Variants in EPHX2 observed in about 807,000 individuals in gnomAD.
EPHX2 encodes epoxide hydrolase 2, also known as bifunctional epoxide hydrolase 2.
EPHX2 carries 74 observed loss-of-function variants against 78.7 expected under a neutral mutation model. The observed-to-expected ratio is 0.94, with a 90% CI of 0.78 to 1.14. The LOEUF is 1.14. Among genes scored for constraint, EPHX2 ranks in the 50% most tolerant of loss-of-function variants. EPHX2 has a pLI of 0.00. For missense variants in EPHX2, 715 were observed against 702.5 expected, an observed-to-expected ratio of 1.02 and a Z score of -0.20; for synonymous variants, 251 against 255.2, an observed-to-expected ratio of 0.98 and a Z score of 0.16.
chr8:27,538,714 GC>G (rs1815291196), intron 14 of EPHX2, 22 bp downstream of exon 14: 1 of 1,611,898 alleles, frequency 6.2e-7, no homozygotes, highest in African/African-American at 1.3e-5. Context: ...GCTTGGGAGA[GC>G]CATATCTGGA....
intron 10 of EPHX2, among the ~76,000 whole-genome samples, chr8:27,522,027 A>G (rs2132758384): frequency 6.6e-6 from 1 of 152,340 alleles, no homozygotes; most frequent in African/African-American, 2.4e-5. Flanking sequence ...TTAAGGGAGG[A>G]GAGCTTCCAA....
chr8:27,504,919 C>T (rs781591614), intron 3 of EPHX2, 37 bp from the exon 4 acceptor site: 1 of 1,609,792 alleles, frequency 6.2e-7, no homozygotes, highest in South Asian at 1.1e-5. Context: ...GGGCAAAGGT[C>T]TGTAGCTGGT....
chr8:27,496,790 T>G (rs1813588990), intron 1 of EPHX2, among the ~76,000 whole-genome samples: 1 of 152,204 alleles, frequency 6.6e-6, no homozygotes, highest in African/African-American at 2.4e-5. Flanking sequence ...TGATTTGGAC[T>G]GGGCAGGCAT....
At chr8:27,505,185 G>T in intron 4 of EPHX2, 39 bp downstream of exon 4, 1 of 1,604,752 alleles carries the variant, frequency 6.2e-7, no homozygotes, top group South Asian at 1.1e-5. Flanking sequence ...AGGATGTTCA[G>T]AGATATTGCA....
At chr8:27,517,818 C>A (rs1485416283) in intron 8 of EPHX2, among the ~76,000 whole-genome samples, 1 of 152,182 alleles carries the variant, frequency 6.6e-6, no homozygotes, top group Non-Finnish European at 1.5e-5. Flanking sequence ...TGACATTGGT[C>A]TTGGCAATGA....
Position 27,544,502 on chromosome 8 carries a change from C to G in EPHX2, c.1648C>G (p.Pro550Ala). Residue 550 changes from proline to alanine, a missense_variant, in exon 19 of 19, where the codon CCG becomes GCG. Physicochemically the swap from Pro to Ala is conservative, Grantham distance 27. Coordinates refer to ENST00000521400, the MANE Select transcript of EPHX2 (RefSeq NM_001979.6). ...GCTGGATTCTGATGCCCGGAACCCA[C>G]CGGTGGTCTCAAAGATGTAGAACGC... is the stretch of plus-strand genomic sequence containing the variant. ...KWLDSDARNP[P>A]VVSKM 3 of 1,613,946 alleles carry G rather than the reference C, an allele frequency of 1.9e-6. No homozygotes were observed. The highest frequency in any genetic ancestry group is 2.5e-6 in the Non-Finnish European group (3 of 1,180,032).
At position 27,543,199 on chromosome 8, in the gene EPHX2, C is replaced by G. The variant is rs188389973; in HGVS notation, c.1450-550C>G. ...GGTGTAAATGAAAATAGTGCACGTT[C>G]CTCAACCAGGGATGGGTCAAAGCTG... On this transcript the variant is annotated intron_variant, in intron 16 of 18. Transcript: ENST00000521400. Among the ~76,000 whole-genome samples, 244 of 152,132 alleles carry G rather than the reference C, an allele frequency of 1.6e-3. 2 individuals are homozygous for G. The highest frequency in any genetic ancestry group is 5.6e-3 in the African/African-American group (234 of 41,498).
At chr8:27,538,785 C>T in intron 14 of EPHX2, 93 bp downstream of exon 14, 1 of 1,431,124 alleles carries the variant, frequency 7.0e-7, no homozygotes, top group Non-Finnish European at 9.8e-7. Flanking sequence ...AAGCCCTGAG[C>T]TCTCCAGCTC....
chr8:27,506,731 T>C, intron 4 of EPHX2, 141 bp from the exon 5 acceptor site: 1 of 1,206,924 alleles, frequency 8.3e-7, no homozygotes, highest in East Asian at 2.4e-5. Flanking sequence ...CATGCGTATG[T>C]TGTGTAATTA....
intron 14 of EPHX2, among the ~76,000 whole-genome samples, chr8:27,539,906 CG>C (rs1461144224): frequency 3.3e-5 from 5 of 152,288 alleles, no homozygotes; most frequent in African/African-American, 1.2e-4. Context: ...AAAATGCCGA[CG>C]GGCCCTGTTC....
At chr8:27,501,323 T>TTTTCTTCTTCTTCTTC (rs1563340024) in intron 2 of EPHX2, among the ~76,000 whole-genome samples, 11 of 144,408 alleles carry the variant, frequency 7.6e-5, no homozygotes, top group African/African-American at 2.1e-4. Context: ...ATGCTATATA[T>TTTTCTTCTTCTTCTTC]TTTCTTCTTC....
chr8:27,547,554 G>A (rs1327071450), downstream of EPHX2, among the ~76,000 whole-genome samples: 2 of 152,142 alleles, frequency 1.3e-5, no homozygotes, highest in African/African-American at 2.4e-5. Flanking sequence ...TATCGTTTTT[G>A]TATTGAGGAC....
chr8:27,538,633 G>A (rs778456555), intron 13 of EPHX2, 26 bp from the exon 14 acceptor site: 8 of 1,602,754 alleles, frequency 5.0e-6, no homozygotes, highest in Middle Eastern at 1.7e-4. Context: ...GACATCATTT[G>A]TAACTCTTTT....
At chr8:27,525,316 C>A (rs376669035) in intron 11 of EPHX2, 46 bp from the exon 12 acceptor site, 2 of 1,552,302 alleles carry the variant, frequency 1.3e-6, no homozygotes, top group Non-Finnish European at 1.8e-6. Flanking sequence ...TCTTGTAAGA[C>A]TGTCTTCTTA....
At chr8:27,519,954 G>A (rs1301440360) in intron 9 of EPHX2, among the ~76,000 whole-genome samples, 2 of 151,528 alleles carry the variant, frequency 1.3e-5, no homozygotes, top group Non-Finnish European at 2.9e-5. Context: ...GTGTCCTCAC[G>A]TGCTCGTCCC....
At chr8:27,512,612 C>A (rs138814487) in intron 6 of EPHX2, among the ~76,000 whole-genome samples, 1 of 152,192 alleles carries the variant, frequency 6.6e-6, no homozygotes, top group Non-Finnish European at 1.5e-5. Context: ...GGGTTTAGTA[C>A]GTCCTCATGG....
intron 2 of EPHX2, among the ~76,000 whole-genome samples, chr8:27,503,024 A>T (rs983210702): frequency 3.3e-5 from 5 of 152,162 alleles, no homozygotes; most frequent in Non-Finnish European, 7.3e-5. Context: ...GATGTTATTA[A>T]GAGGTGGGGC....
intron 13 of EPHX2, among the ~76,000 whole-genome samples, chr8:27,538,339 G>A (rs191117108): frequency 3.4e-4 from 52 of 152,278 alleles, no homozygotes; most frequent in African/African-American, 1.2e-3. Context: ...ATAGGCCAAG[G>A]TCTCTTTTCT....
intron 10 of EPHX2, among the ~76,000 whole-genome samples, chr8:27,521,513 C>A (rs72475873): frequency 6.6e-6 from 1 of 152,076 alleles, no homozygotes; most frequent in Non-Finnish European, 1.5e-5. Context: ...GACTTAAGGC[C>A]TCTTAATTGG....
Sources: gnomAD v4.1 joint callset for allele counts (sites outside exome capture counted in the v4.1 genomes callset) on GRCh38, gnomAD v4.1.1 for gene constraint, MANE v1.5 for transcripts, NCBI Gene and HGNC (gene_info 2026-07-23, HGNC 2026-07-21) for gene names.